Variants in PTPRA observed in about 807,000 individuals in gnomAD.
The protein encoded by PTPRA is receptor-type tyrosine-protein phosphatase alpha.
In PTPRA, 25 loss-of-function variants were observed where a neutral mutation model predicts 104.8. The observed-to-expected ratio is 0.24, with a 90% CI of 0.17 to 0.33. PTPRA has a LOEUF of 0.33. Among genes scored for constraint, PTPRA ranks in the 10% least tolerant of loss-of-function variants. The pLI is 1.00. For missense variants in PTPRA, 765 were observed against 1,015.3 expected (o/e 0.75, Z 3.35); for synonymous variants, 323 against 368.9 (o/e 0.88, Z 1.43).
chr20:2,999,905 GA>G (rs773008524), intron 9 of PTPRA, among the ~76,000 whole-genome samples: 2 of 152,146 alleles, frequency 1.3e-5, no homozygotes, highest in Non-Finnish European at 2.9e-5. Context: ...AGATGAAAGG[GA>G]AGGCCACAAC....
chr20:2,866,520 T>A, the PTPRA span: 1 of 1,614,140 alleles, frequency 6.2e-7, no homozygotes, highest in Non-Finnish European at 8.5e-7. Flanking sequence ...GAGCCACAGA[T>A]GGGGCCACAG....
chr20:2,927,488 G>C (rs901883681), intron 2 of PTPRA, among the ~76,000 whole-genome samples: 1 of 152,078 alleles, frequency 6.6e-6, no homozygotes, highest in Non-Finnish European at 1.5e-5. Flanking sequence ...TTTTCACCAA[G>C]ATCTCAATCA....
rs6138986 is a variant in PTPRA, at chr20:3,037,634, C to T, written c.2334+345C>T. Reference sequence around the variant, plus strand: ...GTTAAGAGGTCTGACTTTAATAAGCCGCACATCCACAGAGGTTTTCCTGAA... The same window carrying T: ...GTTAAGAGGTCTGACTTTAATAAGCTGCACATCCACAGAGGTTTTCCTGAA... On this transcript the variant is annotated intron_variant, in intron 23 of 23. Transcript: ENST00000399903. The surrounding 1 kb of genome is among the most constrained non-coding windows in gnomAD (Gnocchi z 4.3). 0.015 allele frequency among the ~76,000 whole-genome samples: 2,299 copies of T among 152,260 alleles called. 117 individuals carry two copies. The highest frequency in any genetic ancestry group is 0.09 in the Admixed American group (1,374 of 15,300).
At chr20:2,936,913 G>C (rs2060723887) in intron 2 of PTPRA, among the ~76,000 whole-genome samples, 1 of 151,672 alleles carries the variant, frequency 6.6e-6, no homozygotes, top group African/African-American at 2.4e-5. Context: ...TTGTTCTTCT[G>C]TTTCCCCTTT....
intron 1 of PTPRA, among the ~76,000 whole-genome samples, chr20:2,919,230 C>T (rs1191485634): frequency 2.0e-5 from 3 of 152,096 alleles, no homozygotes; most frequent in East Asian, 1.9e-4. Flanking sequence ...ATGATCATTA[C>T]GACTTGTGCT....
chr20:2,964,501 G>T (rs2061875486), intron 4 of PTPRA, 151 bp downstream of exon 4: 1 of 662,500 alleles, frequency 1.5e-6, no homozygotes, highest in Non-Finnish European at 2.5e-6. Flanking sequence ...CAGAAATCTT[G>T]GAATTGAATG....
At chr20:3,010,913 T>A (rs1452887767) in intron 11 of PTPRA, among the ~76,000 whole-genome samples, 3 of 152,190 alleles carry the variant, frequency 2.0e-5, no homozygotes, top group Non-Finnish European at 4.4e-5. Flanking sequence ...AAATTGTGGC[T>A]CTAATGGCAA....
chr20:2,891,476 T>G (rs1319901921), intron 1 of PTPRA, among the ~76,000 whole-genome samples: 1 of 152,112 alleles, frequency 6.6e-6, no homozygotes, highest in Admixed American at 6.6e-5. Context: ...ACTGCCCACC[T>G]CCCTCCTTCT....
intron 2 of PTPRA, among the ~76,000 whole-genome samples, chr20:2,941,061 C>T (rs142451088): frequency 4.7e-5 from 7 of 149,788 alleles, no homozygotes; most frequent in Non-Finnish European, 7.4e-5. Flanking sequence ...GAGACAGTCT[C>T]GCTCTGTCAC....
chr20:2,953,326 C>T (rs1328960410), intron 3 of PTPRA, among the ~76,000 whole-genome samples: 1 of 152,032 alleles, frequency 6.6e-6, no homozygotes, highest in East Asian at 1.9e-4. Context: ...GCAATCTCGG[C>T]TCACTGCAAC....
intron 10 of PTPRA, among the ~76,000 whole-genome samples, chr20:3,005,465 C>T (rs1040006905): frequency 1.3e-5 from 2 of 151,932 alleles, no homozygotes; most frequent in African/African-American, 2.4e-5. Flanking sequence ...TAGGAGGATC[C>T]CTTGAGCCCA....
intron 6 of PTPRA, among the ~76,000 whole-genome samples, chr20:2,980,222 G>A (rs562425632): frequency 2.0e-5 from 3 of 152,054 alleles, no homozygotes; most frequent in East Asian, 3.9e-4. Flanking sequence ...AGTTTTTAAA[G>A]AACTCCTTCT....
Position 3,001,774 on chromosome 20 carries a change from C to T in PTPRA, c.739-3282C>T, listed in dbSNP as rs541225281. ...CTGTTAGTAAAATAACATGCAGAAC[C>T]TCCAGGGTTTTAATCTGAAAGGAAA... On this transcript the variant is annotated intron_variant, in intron 9 of 23. Coordinates refer to ENST00000399903, the MANE Select transcript of PTPRA (RefSeq NM_001385305.1). 1.1e-3 allele frequency among the ~76,000 whole-genome samples: 163 copies of T among 152,212 alleles called. 1 individual carries two copies. The highest frequency in any genetic ancestry group is 1.6e-3 in the Non-Finnish European group (107 of 68,012).
intron 11 of PTPRA, among the ~76,000 whole-genome samples, chr20:3,007,773 A>G (rs2063941324): frequency 6.6e-6 from 1 of 151,940 alleles, no homozygotes; most frequent in Admixed American, 6.6e-5. Context: ...AATACCTGAC[A>G]TGACACCAGC....
chr20:2,952,184 A>G (rs1235738551), intron 3 of PTPRA, among the ~76,000 whole-genome samples: 2 of 152,026 alleles, frequency 1.3e-5, no homozygotes, highest in Non-Finnish European at 1.5e-5. Context: ...TATATTTGCA[A>G]CAACAATGTC....
At chr20:2,894,735 C>T (rs1253394502) in intron 1 of PTPRA, among the ~76,000 whole-genome samples, 1 of 151,992 alleles carries the variant, frequency 6.6e-6, no homozygotes, top group African/African-American at 2.4e-5. Flanking sequence ...GCCTGTAATC[C>T]CAGCACTTTG....
At chr20:2,953,920 T>A (rs1032316164) in intron 3 of PTPRA, among the ~76,000 whole-genome samples, 1 of 143,416 alleles carries the variant, frequency 7.0e-6, no homozygotes, top group Non-Finnish European at 1.5e-5. Context: ...TTTTTACTAT[T>A]TTTTTTTTTT....
intron 1 of PTPRA, among the ~76,000 whole-genome samples, chr20:2,914,386 T>C (rs1438347604): frequency 2.0e-5 from 3 of 152,140 alleles, no homozygotes; most frequent in Admixed American, 2.0e-4. Context: ...CATATATGCA[T>C]GTATATACAT....
In PTPRA at chr20:3,026,771, A is replaced by G. The variant is rs1286577934; in HGVS notation, c.1699A>G (p.Ile567Val). 44 of 1,608,824 alleles carry G rather than the reference A, an allele frequency of 2.7e-5. No homozygotes were observed. The highest frequency in any genetic ancestry group is 3.6e-5 in the Non-Finnish European group (42 of 1,175,498). Reference protein sequence around the residue: ...ANMKKNRVLQIIPYEFNRVII... With the variant: ...ANMKKNRVLQVIPYEFNRVII... ...CATGAAGAAGAACCGTGTTTTACAG[A>G]TCATTCCATGTAAGAGCCCTCCCGC... Residue 567 changes from isoleucine (I) to valine (V), a missense_variant, in exon 18 of 24, where the codon ATC becomes GTC. This residue lies in a region of PTPRA where 192 missense variants were observed against 227.0 expected (regional missense o/e 0.85). Coordinates refer to ENST00000399903, the MANE Select transcript of PTPRA (RefSeq NM_001385305.1).
Sources: gnomAD v4.1 joint callset for allele counts (sites outside exome capture counted in the v4.1 genomes callset) on GRCh38, gnomAD v4.1.1 for gene constraint, gnomAD v4.1.1 regional missense constraint, Gnocchi (gnomAD v3.1) non-coding constraint, MANE v1.5 for transcripts, NCBI Gene and HGNC (gene_info 2026-07-23, HGNC 2026-07-21) for gene names.